LRRK1: variants seen among roughly 807,000 people sequenced by gnomAD.
LRRK1 encodes the protein leucine-rich repeat serine/threonine-protein kinase 1.
Under a neutral mutation model 209.1 loss-of-function variants are expected in LRRK1, and 113 were observed. The ratio of observed to expected loss-of-function variants is 0.54; its 90% confidence interval spans 0.46 to 0.63. The LOEUF (loss-of-function observed/expected upper bound fraction) is 0.63. Ranked by LOEUF, LRRK1 falls within the 30% of genes least tolerant of loss-of-function variation. The probability of loss-of-function intolerance (pLI) is 0.00; values close to 1 mark genes in which losing one functional copy is unlikely to be tolerated. For synonymous variants in LRRK1, 1,144 were observed against 1,099.7 expected, an observed-to-expected ratio of 1.04 and a Z score of -0.80; for missense variants, 2,284 against 2,632.2, an observed-to-expected ratio of 0.87 and a Z score of 2.89.
chr15:101,009,598 AT>A (rs746914569), intron 7 of LRRK1, among the ~76,000 whole-genome samples: 1 of 151,492 alleles, frequency 6.6e-6, no homozygotes, highest in Admixed American at 6.6e-5. Context: ...TTTTATTTTT[AT>A]TTTTTTTGAG....
chr15:100,950,896 GA>G (rs1283654599), intron 2 of LRRK1, among the ~76,000 whole-genome samples: 3 of 152,242 alleles, frequency 2.0e-5, no homozygotes, highest in Non-Finnish European at 2.9e-5. Flanking sequence ...GAGGTCAGGA[GA>G]TCGAGACCAT....
In LRRK1 at chr15:101,048,575, T is replaced by C; in HGVS notation, c.3217T>C (p.Cys1073Arg). 4 of 1,587,808 alleles carry C rather than the reference T, an allele frequency of 2.5e-6. No homozygotes were observed. Among genetic ancestry groups the C allele is most frequent in the Non-Finnish European group, 3.4e-6 (4 of 1,171,404 alleles). The part of the protein sequence containing the change: ...YSFTGNQRNR[C>R]STFRVKRNQT... ...TTTTACAGGAAACCAGAGAAATCGC[T>C]GTAGCACATTCAGAGTGAAAAGAAA... The change falls in exon 22 of 34, where the codon TGT becomes CGT. Residue 1073 changes from cysteine to arginine, a missense_variant. This residue lies in a region of LRRK1 where 780 missense variants were observed against 985.2 expected (regional missense o/e 0.79). Coordinates refer to ENST00000388948, the MANE Select transcript of LRRK1 (RefSeq NM_024652.6).
At chr15:101,003,967 C>T (rs990668866) in intron 6 of LRRK1, among the ~76,000 whole-genome samples, 1 of 152,188 alleles carries the variant, frequency 6.6e-6, no homozygotes, top group African/African-American at 2.4e-5. Flanking sequence ...TTACCAACAG[C>T]ACGGCTACAC....
At chr15:101,047,440 G>A (rs996517992) in intron 21 of LRRK1, among the ~76,000 whole-genome samples, 2 of 152,242 alleles carry the variant, frequency 1.3e-5, no homozygotes, top group African/African-American at 2.4e-5. Flanking sequence ...GGAGGGTCAT[G>A]GAGCACTAGC....
At chr15:101,012,541 C>T (rs2033305918) in intron 10 of LRRK1, among the ~76,000 whole-genome samples, 1 of 152,174 alleles carries the variant, frequency 6.6e-6, no homozygotes, top group Non-Finnish European at 1.5e-5. Flanking sequence ...GGCAGACAGG[C>T]CGTGGATCAC....
chr15:100,977,285 A>AC (rs1423448298), intron 3 of LRRK1, among the ~76,000 whole-genome samples: 1 of 151,946 alleles, frequency 6.6e-6, no homozygotes, highest in East Asian at 1.9e-4. Flanking sequence ...GCAGTCAACA[A>AC]CCCTCTTCGG....
At chr15:101,040,061 CAT>C (rs1452776834) in intron 20 of LRRK1, among the ~76,000 whole-genome samples, 1 of 152,172 alleles carries the variant, frequency 6.6e-6, no homozygotes, top group Non-Finnish European at 1.5e-5. Flanking sequence ...GGTTATCAGA[CAT>C]AGGCTGTCTT....
chr15:100,951,874 C>T (rs2042658414), intron 2 of LRRK1, among the ~76,000 whole-genome samples: 1 of 151,346 alleles, frequency 6.6e-6, no homozygotes, highest in African/African-American at 2.4e-5. Context: ...ATGGCTTGAA[C>T]GCGGGAGGCA....
intron 2 of LRRK1, among the ~76,000 whole-genome samples, chr15:100,972,363 AGTGTGTGTGTGTGTGTGTGTGTGTGT>A (rs139709615): frequency 1.0e-5 from 1 of 98,474 alleles, no homozygotes; most frequent in Non-Finnish European, 1.9e-5. Flanking sequence ...AGAGAGAGAG[AGTGTGTGTGTGTGTGTGTGTGTGTGT>A]GTGTGTGTGT....
intron 28 of LRRK1, among the ~76,000 whole-genome samples, chr15:101,057,783 T>G (rs773167957): frequency 1.3e-5 from 2 of 152,200 alleles, no homozygotes; most frequent in Non-Finnish European, 2.9e-5. Context: ...CAGATGAGCT[T>G]AAATTGCCGT....
chr15:100,973,807 C>T lies in LRRK1; in HGVS notation c.101C>T (p.Ala34Val), dbSNP rs1054254534. Residue 34 changes from alanine (A) to valine (V), a missense_variant, in exon 3 of 34, where the codon GCC (alanine) becomes GTC (valine). Physicochemically the swap from Ala to Val is moderately conservative, Grantham distance 64 (BLOSUM62 0). Transcript: ENST00000388948. ...GTGTGTGCTTCCTCCCGCGCAGGTG[C>T]CGGGGACACGGGCGGCAAGCCGTCC... The part of the protein sequence containing the change: ...PERAMETLNG[A>V]GDTGGKPSTR... The T allele has an allele frequency of 7.7e-7, 1 of 1,291,720 alleles. No homozygotes were observed. Among genetic ancestry groups the T allele is most frequent in the Admixed American group, 4.1e-5 (1 of 24,208 alleles). The allele number at this position is 1,291,720 out of a possible 1,614,324, so 80.0% of individuals were successfully genotyped here.
Position 101,015,422 on chromosome 15 carries a change from CG to C in LRRK1, c.1609+22del. On this transcript the variant is annotated intron_variant, in intron 12 of 33. Coordinates refer to ENST00000388948, the MANE Select transcript of LRRK1 (RefSeq NM_024652.6). ...AGGCAGGTGTGTGTGGGTTGGGAGA[CG>C]GTGTTCCCAGATGAGACAGCCGGGG... is the stretch of plus-strand genomic sequence containing the variant. 1 of 1,596,526 alleles carries C rather than the reference CG, an allele frequency of 6.3e-7. No homozygotes were observed. Among genetic ancestry groups the C allele is most frequent in the African/African-American group, 1.3e-5 (1 of 74,640 alleles).
intron 20 of LRRK1, among the ~76,000 whole-genome samples, chr15:101,045,367 C>T (rs547692370): frequency 6.6e-6 from 1 of 152,342 alleles, no homozygotes; most frequent in South Asian, 2.1e-4. Flanking sequence ...TTGGAGGGAC[C>T]TCCCAGGTTT....
At chr15:101,016,050 C>T (rs1376476879) in intron 12 of LRRK1, among the ~76,000 whole-genome samples, 2 of 150,664 alleles carry the variant, frequency 1.3e-5, no homozygotes, top group Non-Finnish European at 3.0e-5. Flanking sequence ...AGTGCAGTGG[C>T]GCGATCTTGG....
intron 2 of LRRK1, among the ~76,000 whole-genome samples, chr15:100,928,337 C>T (rs1445724980): frequency 6.6e-6 from 1 of 152,200 alleles, no homozygotes; most frequent in East Asian, 1.9e-4. Context: ...GACTCACCCT[C>T]TGCACATGTC....
intron 21 of LRRK1, among the ~76,000 whole-genome samples, chr15:101,047,566 A>G (rs2035153683): frequency 6.6e-6 from 1 of 152,242 alleles, no homozygotes; most frequent in Non-Finnish European, 1.5e-5. Flanking sequence ...TGAAATTCAG[A>G]TGGGTGACAG....
intron 3 of LRRK1, among the ~76,000 whole-genome samples, chr15:100,978,113 C>G (rs1325713156): frequency 5.3e-5 from 8 of 151,886 alleles, no homozygotes; most frequent in Admixed American, 1.3e-4. Context: ...AATGAATGGG[C>G]TCAACTGTAG....
chr15:100,989,616 C>T, intron 6 of LRRK1: 1 of 589,702 alleles, frequency 1.7e-6, no homozygotes. Flanking sequence ...GAGGGAAGAA[C>T]TCACTTTTAT....
chr15:101,009,448 T>TG, intron 7 of LRRK1, among the ~76,000 whole-genome samples: 1 of 152,186 alleles, frequency 6.6e-6, no homozygotes, highest in East Asian at 1.9e-4. Context: ...AAGGGTTAAC[T>TG]CTGCAGGACT....
Sources: gnomAD v4.1 joint callset for allele counts (sites outside exome capture counted in the v4.1 genomes callset) on GRCh38, gnomAD v4.1.1 for gene constraint, gnomAD v4.1.1 regional missense constraint, MANE v1.5 for transcripts, NCBI Gene and HGNC (gene_info 2026-07-23, HGNC 2026-07-21) for gene names.